ARPC4: variants seen among roughly 807,000 people sequenced by gnomAD.
The protein encoded by ARPC4 is actin related protein 2/3 complex subunit 4.
A neutral mutation model predicts 22.8 loss-of-function variants in ARPC4; 3 were observed. That is an observed-to-expected ratio of 0.13 (90% CI 0.06 to 0.34). The LOEUF (loss-of-function observed/expected upper bound fraction) is 0.34. Among genes scored for constraint, ARPC4 ranks in the 10% least tolerant of loss-of-function variants. ARPC4 has a pLI of 1.00. For missense variants in ARPC4, 98 were observed against 211.0 expected, an observed-to-expected ratio of 0.46 and a Z score of 3.32; for synonymous variants, 80 against 72.5, an observed-to-expected ratio of 1.10 and a Z score of -0.52.
At chr3:9,802,797 C>T (rs2079039951) in intron 4 of ARPC4, among the ~76,000 whole-genome samples, 1 of 152,112 alleles carries the variant, frequency 6.6e-6, no homozygotes, top group Admixed American at 6.5e-5. Context: ...CCTCAGCCTC[C>T]CGAGTAGCTG....
At chr3:9,792,853 GGCCGAAGGC>G (rs2078775956), upstream of ARPC4, 4 of 1,368,328 alleles carry the variant, frequency 2.9e-6, no homozygotes, top group Non-Finnish European at 3.8e-6. Context: ...GTGACAAGAA[GGCCGAAGGC>G]ACAAAGGGAA....
chr3:9,793,018 C>T (rs1265008331), upstream of ARPC4: 3 of 1,530,888 alleles, frequency 2.0e-6, no homozygotes, highest in East Asian at 7.4e-5. Context: ...TGGTACCGTC[C>T]GGAAGTCCGG....
In ARPC4 at chr3:9,806,581, C is replaced by T. The variant is rs1213401691; in HGVS notation, c.*366C>T. 6 of 293,722 alleles carry T rather than the reference C, an allele frequency of 2.0e-5. No homozygotes were observed. Among genetic ancestry groups the T allele is most frequent in the South Asian group, 4.3e-5 (1 of 23,148 alleles). 18.2% of individuals were successfully genotyped at this position (293,722 alleles called of 1,614,324 possible). ...GCTGTGACTGGTCCCAGTGATTATA[C>T]GTTATTGGTTGCTGTGGGTCTGGGC... is the stretch of plus-strand genomic sequence containing the variant. On this transcript the variant is annotated 3_prime_UTR_variant, in exon 6 of 6. Transcript: ENST00000397261.
At chr3:9,793,997 G>A (rs760492083) in intron 1 of ARPC4, among the ~76,000 whole-genome samples, 2 of 151,988 alleles carry the variant, frequency 1.3e-5, no homozygotes, top group African/African-American at 2.4e-5. Flanking sequence ...TTCTAAATTT[G>A]TTCTTCCTCC....
intron 4 of ARPC4, among the ~76,000 whole-genome samples, chr3:9,802,021 A>G (rs2079019692): frequency 6.6e-6 from 1 of 151,990 alleles, no homozygotes; most frequent in Non-Finnish European, 1.5e-5. Flanking sequence ...TGGGTGGATC[A>G]TGAGGTCAGG....
intron 1 of ARPC4, among the ~76,000 whole-genome samples, chr3:9,794,450 G>C (rs2078835676): frequency 6.6e-6 from 1 of 152,128 alleles, no homozygotes; most frequent in Non-Finnish European, 1.5e-5. Flanking sequence ...AGTGAGTCGA[G>C]ATCGTGCCAC....
At chr3:9,794,059 CTG>C (rs1057086065) in intron 1 of ARPC4, among the ~76,000 whole-genome samples, 1 of 152,026 alleles carries the variant, frequency 6.6e-6, no homozygotes, top group Non-Finnish European at 1.5e-5. Context: ...TGCTAAAAAT[CTG>C]TATTTTTTTT....
chr3:9,792,886 C>T (rs866110979), upstream of ARPC4: 10 of 1,386,700 alleles, frequency 7.2e-6, no homozygotes, highest in African/African-American at 1.5e-5. Context: ...GCACCCATTC[C>T]TGGAGGAGCT....
At chr3:9,796,629 C>G (rs1408972000) in intron 1 of ARPC4, among the ~76,000 whole-genome samples, 1 of 152,080 alleles carries the variant, frequency 6.6e-6, no homozygotes, top group Non-Finnish European at 1.5e-5. Flanking sequence ...CAGCTAGAAG[C>G]TAATCCCTCT....
intron 1 of ARPC4, among the ~76,000 whole-genome samples, chr3:9,797,263 CTA>C (rs2078915803): frequency 6.6e-6 from 1 of 152,168 alleles, no homozygotes; most frequent in South Asian, 2.1e-4. Context: ...AACCTTAGCA[CTA>C]TTGATATTTG....
At chr3:9,796,574 C>T (rs2078892774) in intron 1 of ARPC4, among the ~76,000 whole-genome samples, 1 of 152,210 alleles carries the variant, frequency 6.6e-6, no homozygotes, top group Non-Finnish European at 1.5e-5. Flanking sequence ...ATGTGTAAAG[C>T]TCTGAGGTGG....
chr3:9,798,108 C>A, intron 2 of ARPC4: 1 of 185,916 alleles, frequency 5.4e-6, no homozygotes, highest in Non-Finnish European at 1.1e-5. Context: ...GAGATTCCAT[C>A]TCCATACTTT....
chr3:9,801,229 A>AG lies in ARPC4; in HGVS notation c.235-432_235-431insG, dbSNP rs1389566819. On this transcript the variant is annotated intron_variant, in intron 3 of 5. Coordinates refer to ENST00000397261, the MANE Select transcript of ARPC4 (RefSeq NM_005718.5). ...CCATCTCAGAAAAAAAAAAAAAAAA[A>AG]AAAAAAAAGAAATGTTGAGCATTCA... is the stretch of plus-strand genomic sequence containing the variant. 2.4e-4 allele frequency among the ~76,000 whole-genome samples: 35 copies of AG among 148,556 alleles called. 1 individual carries two copies. The highest frequency in any genetic ancestry group is 8.7e-4 in the African/African-American group (34 of 38,972).
Position 9,797,731 on chromosome 3 carries a change from T to G in ARPC4, c.76T>G (p.Ser26Ala). The change falls in exon 2 of 6, where the codon TCC becomes GCC. Residue 26 changes from serine to alanine, a missense_variant. Physicochemically the swap from Ser to Ala is moderately conservative, Grantham distance 99 (BLOSUM62 1). Coordinates refer to ENST00000397261, the MANE Select transcript of ARPC4 (RefSeq NM_005718.5). ...LQAALCLENF[S>A]SQVVERHNKP... ...GGCTGCCCTCTGCCTGGAGAACTTC[T>G]CCTCCCAGGTTGTGGAACGACACAA... The G allele has an allele frequency of 1.9e-6, 3 of 1,614,022 alleles. No homozygotes were observed. Among genetic ancestry groups the G allele is most frequent in the Non-Finnish European group, 2.5e-6 (3 of 1,180,012 alleles).
chr3:9,802,237 C>CAA lies in ARPC4; in HGVS notation c.330+504_330+505dup, dbSNP rs1159841703. On this transcript the variant is annotated intron_variant, in intron 4 of 5. Coordinates refer to ENST00000397261, the MANE Select transcript of ARPC4 (RefSeq NM_005718.5). The stretch of plus-strand genomic sequence containing the variant: ...TGGGCGACAGAGCAAGACTCCGTCT[C>CAA]AAAAAAAAAAAAAAAAAAAAAAAAG... Among the ~76,000 whole-genome samples, 500 of 50,106 alleles carry CAA rather than the reference C, an allele frequency of 1.0e-2. 8 individuals carry two copies. Among genetic ancestry groups the CAA allele is most frequent in the African/African-American group, 0.028 (352 of 12,610 alleles). 32.9% of individuals were successfully genotyped at this position (50,106 alleles called of 152,430 possible). A position where few individuals can be genotyped will look rare whatever the true frequency, so the allele number is the denominator to read the frequency against.
At chr3:9,802,355 C>T (rs1171472491) in intron 4 of ARPC4, among the ~76,000 whole-genome samples, 1 of 150,024 alleles carries the variant, frequency 6.7e-6, no homozygotes, top group African/African-American at 2.4e-5. Context: ...TAAGATCTGC[C>T]AAATGAATCA....
chr3:9,801,252 T>C (rs2079005193), intron 3 of ARPC4, among the ~76,000 whole-genome samples: 1 of 146,008 alleles, frequency 6.8e-6, no homozygotes, highest in African/African-American at 2.5e-5. Context: ...TGTTGAGCAT[T>C]CAGAAGGGAG....
chr3:9,799,834 G>A (rs1374193067), intron 2 of ARPC4: 2 of 472,474 alleles, frequency 4.2e-6, no homozygotes, highest in South Asian at 3.1e-5. Context: ...CCTACTATGT[G>A]CCAGGCACGC....
chr3:9,806,300 C>G lies in ARPC4; in HGVS notation c.*85C>G. 2 of 1,500,570 alleles carry G rather than the reference C, an allele frequency of 1.3e-6. No individual in the cohort carries two copies. The highest frequency in any genetic ancestry group is 1.9e-6 in the Non-Finnish European group (2 of 1,076,818). 93.0% of individuals were successfully genotyped at this position (1,500,570 alleles called of 1,614,324 possible). ...TCCTGGAGTCACTCCCCGAGCAGCG[C>G]GGCGGCGGCAGGGAGTTGGGTTGGG... On this transcript the variant is annotated 3_prime_UTR_variant, in exon 6 of 6. Transcript: ENST00000397261.
Sources: gnomAD v4.1 joint callset for allele counts (sites outside exome capture counted in the v4.1 genomes callset) on GRCh38, gnomAD v4.1.1 for gene constraint, MANE v1.5 for transcripts, NCBI Gene and HGNC (gene_info 2026-07-23, HGNC 2026-07-21) for gene names.